The following STX7 variants were observed in gnomAD, a reference collection of about 807,000 sequenced individuals.
STX7 encodes syntaxin-7.
A neutral mutation model predicts 39.6 loss-of-function variants in STX7; 34 were observed. That is an observed-to-expected ratio of 0.86 (90% CI 0.65 to 1.14). The LOEUF is 1.14. Among genes scored for constraint, STX7 ranks in the 50% most tolerant of loss-of-function variants. STX7 has a pLI of 0.00. For missense variants in STX7, 284 were observed against 310.4 expected, an observed-to-expected ratio of 0.92 and a Z score of 0.64; for synonymous variants, 119 against 99.1, an observed-to-expected ratio of 1.20 and a Z score of -1.19.
intron 2 of STX7, among the ~76,000 whole-genome samples, chr6:132,492,800 T>C (rs1426686100): frequency 6.6e-6 from 1 of 152,104 alleles, no homozygotes; most frequent in Non-Finnish European, 1.5e-5. Flanking sequence ...AACAGTTAAT[T>C]AAAAATAGTT....
In STX7 at chr6:132,491,384, CT is replaced by C. The variant is rs748493923; in HGVS notation, c.85+12061del. Among the ~76,000 whole-genome samples the C allele has an allele frequency of 5.0e-4, 76 of 151,980 alleles. 1 individual carries two copies. Among genetic ancestry groups the C allele is most frequent in the Admixed American group, 9.2e-4 (14 of 15,274 alleles). ...ACTGACTAACTAGAGACTGAAGGAA[CT>C]CAGAAAAGAAGGACAAATTCAAAAA... is the stretch of plus-strand genomic sequence containing the variant. On this transcript the variant is annotated intron_variant, in intron 2 of 9. Transcript: ENST00000367941.
Position 132,453,771 on chromosome 6 carries a change from A to G in STX7, c.*6987T>C, listed in dbSNP as rs1248090378. ...TATCAGAATGACTAAAATAAAAAAG[A>G]GACACCACCAAATGCTGAAAAGGAC... On this transcript the variant is annotated 3_prime_UTR_variant, in exon 10 of 10. Coordinates refer to ENST00000367941, the MANE Select transcript of STX7 (RefSeq NM_003569.3). The G allele has an allele frequency of 6.6e-6, 1 of 152,074 alleles. No individual in the cohort carries two copies. Among genetic ancestry groups the G allele is most frequent in the Non-Finnish European group, 1.5e-5 (1 of 67,978 alleles). 9.4% of individuals were successfully genotyped at this position (152,074 alleles called of 1,614,324 possible). A position where few individuals can be genotyped will look rare whatever the true frequency, so the allele number is the denominator to read the frequency against.
chr6:132,498,829 C>T (rs62424917), intron 2 of STX7, among the ~76,000 whole-genome samples: 8,871 of 152,238 alleles, frequency 0.058, 310 homozygotes, highest in East Asian at 0.13. Flanking sequence ...AGATTTTTAA[C>T]AATACTTTAT....
In STX7 at chr6:132,470,065, ATGTGG is replaced by A. The variant is rs1359290443; in HGVS notation, c.441-23_441-19del. On this transcript the variant is annotated intron_variant, in intron 6 of 9. Coordinates refer to ENST00000367941, the MANE Select transcript of STX7 (RefSeq NM_003569.3). ...GAGTTTGGCTAACAGAAAAAAATGA[ATGTGG>A]AAAAAAACAAAGATTGGTATTCAAA... 6.4e-7 allele frequency: 1 copy of A among 1,559,528 alleles called. No individual in the cohort carries two copies. Among genetic ancestry groups the A allele is most frequent in the Admixed American group, 2.1e-5 (1 of 47,362 alleles).
rs1461837598 is a variant in STX7, at chr6:132,450,082, A to T, written c.*10676T>A. The T allele has an allele frequency of 6.8e-6, 1 of 146,102 alleles. No individual in the cohort carries two copies. The highest frequency in any genetic ancestry group is 1.5e-5 in the Non-Finnish European group (1 of 66,350). The allele number at this position is 146,102 out of a possible 1,614,324, so 9.1% of individuals were successfully genotyped here. On this transcript the variant is annotated 3_prime_UTR_variant, in exon 10 of 10. Coordinates refer to ENST00000367941, the MANE Select transcript of STX7 (RefSeq NM_003569.3). The stretch of plus-strand genomic sequence containing the variant: ...TCCATGGCTTAAGTCTCAGAGGCAC[A>T]GTTTTCCTGTTTCTCAACTACTTTA...
chr6:132,492,852 A>G (rs1023940860), intron 2 of STX7, among the ~76,000 whole-genome samples: 1 of 152,252 alleles, frequency 6.6e-6, no homozygotes, highest in African/African-American at 2.4e-5. Context: ...GAGATTATTG[A>G]ACAAAGCAGG....
chr6:132,506,800 G>GA (rs541475228), intron 1 of STX7, among the ~76,000 whole-genome samples: 40 of 144,646 alleles, frequency 2.8e-4, no homozygotes, highest in South Asian at 1.7e-3. Flanking sequence ...CTACCCAAAA[G>GA]AAAAAAAAAA....
chr6:132,499,981 C>T (rs952483700), intron 2 of STX7, among the ~76,000 whole-genome samples: 6 of 152,118 alleles, frequency 3.9e-5, no homozygotes, highest in Non-Finnish European at 8.8e-5. Flanking sequence ...TCTTTAACTC[C>T]TTCCTTCCTC....
intron 2 of STX7, among the ~76,000 whole-genome samples, chr6:132,492,959 G>A (rs1246919462): frequency 2.6e-5 from 4 of 152,144 alleles, no homozygotes; most frequent in African/African-American, 7.2e-5. Context: ...AGTGTACTGG[G>A]TATTCACAAA....
At chr6:132,476,600 A>G (rs1027320290) in intron 2 of STX7, among the ~76,000 whole-genome samples, 1 of 152,190 alleles carries the variant, frequency 6.6e-6, no homozygotes, top group Non-Finnish European at 1.5e-5. Flanking sequence ...AGAAATTTGA[A>G]TACAGAAAGT....
At chr6:132,493,953 T>C (rs1225888899) in intron 2 of STX7, among the ~76,000 whole-genome samples, 3 of 152,196 alleles carry the variant, frequency 2.0e-5, no homozygotes, top group Non-Finnish European at 1.5e-5. Context: ...TGTCATACAA[T>C]TACTGAGCAT....
intron 2 of STX7, among the ~76,000 whole-genome samples, chr6:132,485,652 C>T (rs1424528495): frequency 6.6e-6 from 1 of 152,208 alleles, no homozygotes; most frequent in African/African-American, 2.4e-5. Context: ...AACTTCTGTT[C>T]CTCTACATCC....
At chr6:132,461,850 G>C in intron 9 of STX7, 2 of 1,541,030 alleles carry the variant, frequency 1.3e-6, no homozygotes, top group Non-Finnish European at 8.8e-7. Flanking sequence ...CAACATGCAG[G>C]AATCCTTTTT....
chr6:132,497,376 A>G (rs564928077), intron 2 of STX7, among the ~76,000 whole-genome samples: 127 of 152,336 alleles, frequency 8.3e-4, no homozygotes, highest in Non-Finnish European at 9.6e-4. Flanking sequence ...AATGATGTTA[A>G]CAAAGTCAGG....
chr6:132,462,318 T>C (rs1774427574), intron 9 of STX7, among the ~76,000 whole-genome samples: 1 of 152,244 alleles, frequency 6.6e-6, no homozygotes, highest in Non-Finnish European at 1.5e-5. Flanking sequence ...TTGTGCTGCA[T>C]GGCCATCTCG....
intron 2 of STX7, among the ~76,000 whole-genome samples, chr6:132,496,641 A>T (rs1775425930): frequency 6.6e-6 from 1 of 152,194 alleles, no homozygotes; most frequent in African/African-American, 2.4e-5. Flanking sequence ...GACTCTTAAA[A>T]AACTTTGGTT....
rs1439668619 is a variant in STX7, at chr6:132,450,678, C to G, written c.*10080G>C. 6.6e-6 allele frequency: 1 copy of G among 152,040 alleles called. No individual in the cohort carries two copies. Among genetic ancestry groups the G allele is most frequent in the African/African-American group, 2.4e-5 (1 of 41,414 alleles). The allele number at this position is 152,040 out of a possible 1,614,324, so 9.4% of individuals were successfully genotyped here. On this transcript the variant is annotated 3_prime_UTR_variant, in exon 10 of 10. Transcript: ENST00000367941. ...AGGCTCAATAGCAGAATGGAAGCTA[C>G]TGCAGAAAGAATGAATAAATCTGAA... is the stretch of plus-strand genomic sequence containing the variant.
chr6:132,494,871 A>G (rs1343191387), intron 2 of STX7, among the ~76,000 whole-genome samples: 3 of 152,194 alleles, frequency 2.0e-5, no homozygotes, highest in Admixed American at 1.3e-4. Flanking sequence ...GAGAAGACGG[A>G]AAGAGGCAGG....
At position 132,447,402 on chromosome 6, in the gene STX7, C is replaced by A. The variant is rs1470754799; in HGVS notation, c.*13356G>T. 2 of 152,166 alleles carry A rather than the reference C, an allele frequency of 1.3e-5. No individual in the cohort carries two copies. Among genetic ancestry groups the A allele is most frequent in the African/African-American group, 4.8e-5 (2 of 41,450 alleles). 9.4% of individuals were successfully genotyped at this position (152,166 alleles called of 1,614,324 possible). A position where few individuals can be genotyped will look rare whatever the true frequency, so the allele number is the denominator to read the frequency against. On this transcript the variant is annotated 3_prime_UTR_variant, in exon 10 of 10. Coordinates refer to ENST00000367941, the MANE Select transcript of STX7 (RefSeq NM_003569.3). Reference sequence around the variant, plus strand: ...TTCCTTTATCATTTTCCTTCTAAATCTTTTATACATGCTTAAGAAATATGC... The same window carrying A: ...TTCCTTTATCATTTTCCTTCTAAATATTTTATACATGCTTAAGAAATATGC...
Sources: allele counts gnomAD v4.1 joint callset (sites outside exome capture counted in the v4.1 genomes callset), GRCh38; gene constraint gnomAD v4.1.1; transcripts MANE v1.5; gene names NCBI Gene and HGNC (gene_info 2026-07-23, HGNC 2026-07-21).